AOPEP: variants seen among roughly 807,000 people sequenced by gnomAD.
AOPEP encodes aminopeptidase O.
AOPEP carries 77 observed loss-of-function variants against 98.1 expected under a neutral mutation model. The observed-to-expected ratio is 0.78, with a 90% CI of 0.65 to 0.95. AOPEP has a LOEUF of 0.95. Ranked by LOEUF, AOPEP falls within the 40% of genes least tolerant of loss-of-function variation. The pLI is 0.00. For synonymous variants in AOPEP, 346 were observed against 365.3 expected (o/e 0.95, Z 0.60); for missense variants, 1,024 against 1,024.7 (o/e 1.00, Z 0.01).
rs568800441 is a variant in AOPEP, at chr9:95,005,292, G to A, written c.2040+72G>A. 14 of 832,284 alleles carry A rather than the reference G, an allele frequency of 1.7e-5. No individual in the cohort carries two copies. In the South Asian group the frequency reaches 7.9e-4, roughly 47 times the overall value. The allele number at this position is 832,284 out of a possible 1,614,324, so 51.6% of individuals were successfully genotyped here. A position where few individuals can be genotyped will look rare whatever the true frequency, so the allele number is the denominator to read the frequency against. On this transcript the variant is annotated intron_variant, in intron 12 of 16. Transcript: ENST00000375315. ...AGACCGCGGCTGGCGAGAGGCCCTG[G>A]CTCTGCGCTGCGGCGCGCGGGTGCG...
chr9:95,091,955 G>A (rs924623618), downstream of AOPEP, among the ~76,000 whole-genome samples: 2 of 152,248 alleles, frequency 1.3e-5, no homozygotes, highest in East Asian at 1.9e-4. Flanking sequence ...TTGATGCCCC[G>A]TGGTTCTCAC....
At chr9:94,920,323 CA>C (rs910289482) in intron 5 of AOPEP, 175 of 146,388 alleles carry the variant, frequency 1.2e-3, no homozygotes, top group African/African-American at 2.7e-3. Flanking sequence ...AACTCCGTCT[CA>C]AAAAAAAAAA....
At chr9:94,860,998 G>T (rs1219358768) in intron 5 of AOPEP, among the ~76,000 whole-genome samples, 1 of 152,198 alleles carries the variant, frequency 6.6e-6, no homozygotes, top group African/African-American at 2.4e-5. Flanking sequence ...GTCAGATTCG[G>T]TGCTTTTTGC....
At chr9:94,767,140 C>T (rs572924396) in intron 2 of AOPEP, among the ~76,000 whole-genome samples, 26 of 152,168 alleles carry the variant, frequency 1.7e-4, no homozygotes, top group Middle Eastern at 3.4e-3. Context: ...TTTTTTTCCC[C>T]TTACTTTCTT....
At chr9:94,878,239 A>T (rs1306458784) in intron 5 of AOPEP, among the ~76,000 whole-genome samples, 1 of 149,424 alleles carries the variant, frequency 6.7e-6, no homozygotes, top group African/African-American at 2.5e-5. Flanking sequence ...ATCTTGGGAA[A>T]GCTGTCCGCA....
intron 14 of AOPEP, among the ~76,000 whole-genome samples, chr9:95,065,785 G>A (rs1271940982): frequency 6.6e-6 from 1 of 152,206 alleles, no homozygotes; most frequent in African/African-American, 2.4e-5. Context: ...CTCAGCATTA[G>A]GCCGTTTCTC....
intron 3 of AOPEP, among the ~76,000 whole-genome samples, chr9:94,788,625 C>T (rs1001417790): frequency 4.6e-5 from 7 of 152,062 alleles, no homozygotes; most frequent in African/African-American, 1.7e-4. Flanking sequence ...GCTGTGAATA[C>T]ATTTGGAGGG....
chr9:94,924,652 G>A (rs1564389224), intron 6 of AOPEP, among the ~76,000 whole-genome samples: 1 of 152,172 alleles, frequency 6.6e-6, no homozygotes, highest in Non-Finnish European at 1.5e-5. Context: ...CTGCTCACAA[G>A]TAGTGAATGA....
At chr9:94,943,616 A>AG (rs985334320) in intron 7 of AOPEP, among the ~76,000 whole-genome samples, 7 of 148,012 alleles carry the variant, frequency 4.7e-5, no homozygotes, top group Non-Finnish European at 8.9e-5. Context: ...AAAAGAAAAA[A>AG]GAAAAAAAAA....
chr9:94,804,158 C>T lies in AOPEP; in HGVS notation c.1364+3156C>T, dbSNP rs187978300. On this transcript the variant is annotated intron_variant, in intron 5 of 16. Coordinates refer to ENST00000375315, the MANE Select transcript of AOPEP (RefSeq NM_001193329.3). ...TGAAAGGAGCTCATCATCACACTTA[C>T]ACTCTCTGTTATAACAGCAGTAACG... 4.5e-4 allele frequency among the ~76,000 whole-genome samples: 69 copies of T among 152,308 alleles called. 1 individual carries two copies. The highest frequency in any genetic ancestry group is 1.6e-3 in the African/African-American group (68 of 41,568).
rs377063198 is a variant in AOPEP, at chr9:94,800,765, G to A, written c.1127G>A (p.Gly376Asp). Residue 376 changes from glycine to aspartate, a missense_variant, in exon 5 of 17, where the codon GGT becomes GAT. Physicochemically the swap from Gly to Asp is moderately conservative, Grantham distance 94. Around this residue, in one of 3 missense-constraint regions of AOPEP, gnomAD observed 18 missense variants for 39.1 expected, o/e 0.46. Coordinates refer to ENST00000375315, the MANE Select transcript of AOPEP (RefSeq NM_001193329.3). ...TTTTGTGTTATTCCCAGGCATGTTG[G>A]TGTTTGCAGTCACATGGAATACCCC... Reference protein sequence around the residue: ...SPSEANFRHVGVCSHMEYPCR... With the variant: ...SPSEANFRHVDVCSHMEYPCR... 19 of 1,613,832 alleles carry A rather than the reference G, an allele frequency of 1.2e-5. No homozygotes were observed. The highest frequency in any genetic ancestry group is 1.1e-4 in the East Asian group (5 of 44,886).
At chr9:95,096,919 G>A in the AOPEP span, among the ~76,000 whole-genome samples, 4 of 152,362 alleles carry the variant, frequency 2.6e-5, no homozygotes, top group Non-Finnish European at 4.4e-5. Flanking sequence ...CTAGGATGTC[G>A]TTCCAGAGGG....
At position 95,062,881 on chromosome 9, in the gene AOPEP, C is replaced by T. The variant is rs1356465121; in HGVS notation, c.2232+2071C>T. Among the ~76,000 whole-genome samples the T allele has an allele frequency of 2.6e-5, 4 of 152,204 alleles. No individual in the cohort carries two copies. The East Asian group carries it at 7.7e-4, about 29-fold the overall frequency. ...GTATGCTCTTCATGGAGGCAATGCC[C>T]CCGTGTTCAGAATGTGAAAGGAAAA... is the stretch of plus-strand genomic sequence containing the variant. On this transcript the variant is annotated intron_variant, in intron 14 of 16. Transcript: ENST00000375315.
At chr9:95,091,537 G>A (rs2070866934), downstream of AOPEP, among the ~76,000 whole-genome samples, 2 of 152,168 alleles carry the variant, frequency 1.3e-5, no homozygotes, top group South Asian at 4.1e-4. Flanking sequence ...CCACCCAAGA[G>A]GTTTGGGGGA....
chr9:95,005,133 T>C, intron 11 of AOPEP, 25 bp from the exon 12 acceptor site: 5 of 1,122,406 alleles, frequency 4.5e-6, no homozygotes, highest in Non-Finnish European at 5.5e-6. Context: ...CGCGGTAAAC[T>C]TGACTGTGTC....
intron 2 of AOPEP, among the ~76,000 whole-genome samples, chr9:94,770,006 A>G (rs1001215550): frequency 1.3e-5 from 2 of 152,260 alleles, no homozygotes; most frequent in East Asian, 1.9e-4. Context: ...AAATATGCCT[A>G]CAATATCTAT....
intron 3 of AOPEP, among the ~76,000 whole-genome samples, chr9:94,782,185 G>A (rs1446705286): frequency 4.6e-5 from 7 of 151,028 alleles, no homozygotes; most frequent in East Asian, 2.0e-4. Context: ...GTGAGACTCC[G>A]TCTCAAAAAA....
chr9:94,776,662 C>T (rs1431234040), intron 3 of AOPEP, among the ~76,000 whole-genome samples: 1 of 152,166 alleles, frequency 6.6e-6, no homozygotes, highest in Non-Finnish European at 1.5e-5. Context: ...ATTTAGTTAA[C>T]CAATATCTCT....
In AOPEP at chr9:94,800,829, C is replaced by T. The variant is rs1009507712; in HGVS notation, c.1191C>T (p.Ile397=). ...FQNASATTQE[I]IPHRVFAPVC... ...ATGCTTCTGCCACCACCCAGGAGAT[C>T]ATTCCTCATCGGGTCTTTGCCCCTG... Residue 397 remains isoleucine (I), a synonymous_variant, in exon 5 of 17, where the codon ATC becomes ATT. Transcript: ENST00000375315. The T allele has an allele frequency of 1.2e-6, 2 of 1,614,198 alleles. No individual in the cohort carries two copies. The highest frequency in any genetic ancestry group is 4.5e-5 in the East Asian group (2 of 44,890).
Sources: gnomAD v4.1 joint callset for allele counts (sites outside exome capture counted in the v4.1 genomes callset) on GRCh38, gnomAD v4.1.1 for gene constraint, gnomAD v4.1.1 regional missense constraint, MANE v1.5 for transcripts, NCBI Gene and HGNC (gene_info 2026-07-23, HGNC 2026-07-21) for gene names.